The following TMPRSS4 variants were observed in gnomAD, a reference collection of about 807,000 sequenced individuals.
The protein encoded by TMPRSS4 is transmembrane protease serine 4.
In TMPRSS4, 45 loss-of-function variants were observed where a neutral mutation model predicts 56.4. The ratio of observed to expected loss-of-function variants is 0.80; its 90% CI spans 0.63 to 1.02. TMPRSS4 has a LOEUF of 1.02. TMPRSS4 is among the 50% of genes least tolerant of loss of function. TMPRSS4 has a pLI of 0.00. For missense variants in TMPRSS4, 546 were observed against 556.7 expected (o/e 0.98, Z 0.19); for synonymous variants, 205 against 211.0 (o/e 0.97, Z 0.25).
rs1269382040 is a variant in TMPRSS4 at position 118,115,266 on chromosome 11, G to T, written c.1138G>T (p.Val380Leu). 1.2e-6 allele frequency: 2 copies of T among 1,612,652 alleles called. No individual in the cohort carries two copies. Among genetic ancestry groups the T allele is most frequent in the Non-Finnish European group, 1.7e-6 (2 of 1,179,834 alleles). The change falls in exon 11 of 13, where the codon GTG becomes TTG. Residue 380 changes from valine to leucine, a missense_variant. By Grantham distance (32) the Val-to-Leu change is conservative. Transcript: ENST00000437212. ...MMCAGIPEGG[V>L]DTCQGDSGGP... Reference sequence around the variant, plus strand: ...GTGTGCAGGCATCCCGGAAGGGGGTGTGGACACCTGCCAGGTGGGGCCTCC... The same window carrying T: ...GTGTGCAGGCATCCCGGAAGGGGGTTTGGACACCTGCCAGGTGGGGCCTCC...
intron 2 of TMPRSS4, among the ~76,000 whole-genome samples, chr11:118,095,919 A>G (rs1369003429): frequency 6.6e-6 from 1 of 152,198 alleles, no homozygotes; most frequent in African/African-American, 2.4e-5. Context: ...GAGGCTGTTC[A>G]TAGCTCACTG....
intron 2 of TMPRSS4, among the ~76,000 whole-genome samples, chr11:118,097,385 C>T (rs181208107): frequency 6.6e-6 from 1 of 152,138 alleles, no homozygotes; most frequent in East Asian, 1.9e-4. Flanking sequence ...CCAGGAAGGC[C>T]TCACTGTGAA....
chr11:118,104,406 T>A (rs1408007712), intron 4 of TMPRSS4, among the ~76,000 whole-genome samples: 2 of 151,964 alleles, frequency 1.3e-5, no homozygotes, highest in Non-Finnish European at 2.9e-5. Flanking sequence ...TCATCAAAAC[T>A]GATACCTGTA....
rs752093194 is a variant in TMPRSS4, at chr11:118,114,921, A to C, written c.1003A>C (p.Asn335His). ...WIIGWGFTKQ[N>H]GGKMSDILLQ... The stretch of plus-strand genomic sequence containing the variant: ...CATTGGATGGGGCTTTACGAAGCAG[A>C]ATGGAGGTAAGTCCTGGGTGCAGGA... Residue 335 changes from asparagine to histidine, a missense_variant, in exon 10 of 13, where the codon AAT becomes CAT. Physicochemically the swap from Asn to His is moderately conservative, Grantham distance 68. Coordinates refer to ENST00000437212, the MANE Select transcript of TMPRSS4 (RefSeq NM_019894.4). 2 of 1,600,502 alleles carry C rather than the reference A, an allele frequency of 1.2e-6. No individual in the cohort carries two copies. Among genetic ancestry groups the C allele is most frequent in the East Asian group, 4.5e-5 (2 of 44,692 alleles).
At position 118,102,888 on chromosome 11, in the gene TMPRSS4, T is replaced by C. The variant is rs1001393365; in HGVS notation, c.158-213T>C. ...GACCTCTCTTGACTCCGCAGACATC[T>C]TGTGGGGGTGGGGCCGGTGTTACTA... On this transcript the variant is annotated intron_variant, in intron 3 of 12. Coordinates refer to ENST00000437212, the MANE Select transcript of TMPRSS4 (RefSeq NM_019894.4). The C allele has an allele frequency of 2.4e-5, 14 of 591,078 alleles. No individual in the cohort carries two copies. In the African/African-American group the frequency reaches 2.4e-4, roughly 10 times the overall value. The allele number at this position is 591,078 out of a possible 1,614,324, so 36.6% of individuals were successfully genotyped here.
chr11:118,115,814 C>T (rs2135462694), intron 11 of TMPRSS4, among the ~76,000 whole-genome samples: 1 of 152,304 alleles, frequency 6.6e-6, no homozygotes, highest in East Asian at 1.9e-4. Context: ...CCCAGCAAGA[C>T]TCCATCTGAA....
At chr11:118,101,228 G>A (rs993235956) in intron 3 of TMPRSS4, among the ~76,000 whole-genome samples, 20 of 152,152 alleles carry the variant, frequency 1.3e-4, no homozygotes, top group Admixed American at 6.5e-5. Context: ...ATGTGAGTTA[G>A]TAATAACACT....
chr11:118,125,212 T>C, downstream of TMPRSS4: 1 of 451,378 alleles, frequency 2.2e-6, no homozygotes, highest in Non-Finnish European at 4.5e-6. Flanking sequence ...ATGGAAATGA[T>C]TGTCTGTGGG....
intron 3 of TMPRSS4, among the ~76,000 whole-genome samples, chr11:118,102,400 G>T (rs1565429093): frequency 6.6e-6 from 1 of 152,194 alleles, no homozygotes; most frequent in Admixed American, 6.5e-5. Context: ...AGAAGGGAAA[G>T]CGATCCATAT....
intron 2 of TMPRSS4, among the ~76,000 whole-genome samples, chr11:118,096,932 GAAAGAGAAAGAAA>G (rs1565422905): frequency 3.8e-5 from 3 of 78,886 alleles, no homozygotes; most frequent in African/African-American, 1.1e-4. Context: ...AGGAAAGAAA[GAAAGAGAAAGAAA>G]GAAAGGAAGG....
At chr11:118,124,682 AG>A (rs1947856054), downstream of TMPRSS4, among the ~76,000 whole-genome samples, 1 of 152,246 alleles carries the variant, frequency 6.6e-6, no homozygotes. Flanking sequence ...TATGTCGAGC[AG>A]GTGAATAGTA....
chr11:118,107,572 G>C (rs973674681), intron 5 of TMPRSS4: 3 of 487,584 alleles, frequency 6.2e-6, no homozygotes, highest in Non-Finnish European at 1.1e-5. Flanking sequence ...TGAGGGTTGA[G>C]TCCTGGGATG....
intron 12 of TMPRSS4, 113 bp downstream of exon 12, chr11:118,117,567 A>G: frequency 3.3e-6 from 5 of 1,503,818 alleles, no homozygotes; most frequent in Admixed American, 2.2e-5. Flanking sequence ...TACATCCCAA[A>G]TAACTTTCCC....
At chr11:118,110,588 G>A (rs1375792516) in intron 7 of TMPRSS4, among the ~76,000 whole-genome samples, 2 of 152,148 alleles carry the variant, frequency 1.3e-5, no homozygotes, top group Non-Finnish European at 2.9e-5. Flanking sequence ...GGCCAGGCTA[G>A]TCTCGAACTC....
At chr11:118,091,496 T>C (rs141657449) in intron 1 of TMPRSS4, among the ~76,000 whole-genome samples, 2 of 152,246 alleles carry the variant, frequency 1.3e-5, no homozygotes, top group African/African-American at 2.4e-5. Flanking sequence ...TATCTGTTTA[T>C]GGCCTGTCCT....
At chr11:118,125,397 C>T (rs1436750265), downstream of TMPRSS4, 12 of 456,014 alleles carry the variant, frequency 2.6e-5, no homozygotes, top group Non-Finnish European at 4.4e-5. Flanking sequence ...GCACACACAT[C>T]GCCTGACCAC....
chr11:118,093,512 C>T (rs939126775), intron 1 of TMPRSS4, among the ~76,000 whole-genome samples: 1 of 152,156 alleles, frequency 6.6e-6, no homozygotes, highest in African/African-American at 2.4e-5. Context: ...TGTATGTGAG[C>T]CTTTGTGTCA....
intron 1 of TMPRSS4, among the ~76,000 whole-genome samples, chr11:118,084,372 G>T (rs1017059773): frequency 6.6e-6 from 1 of 152,236 alleles, no homozygotes; most frequent in African/African-American, 2.4e-5. Flanking sequence ...GGGCAGGAAA[G>T]CAGTAAAGGA....
At chr11:118,104,599 G>A in intron 4 of TMPRSS4, 92 bp from the exon 5 acceptor site, 2 of 1,586,094 alleles carry the variant, frequency 1.3e-6, no homozygotes, top group East Asian at 2.3e-5. Flanking sequence ...GTTCTAGGTT[G>A]GGGGAGCTTG....
Sources: allele counts gnomAD v4.1 joint callset (sites outside exome capture counted in the v4.1 genomes callset), GRCh38; gene constraint gnomAD v4.1.1; transcripts MANE v1.5; gene names NCBI Gene and HGNC (gene_info 2026-07-23, HGNC 2026-07-21).